The following KCNH8 variants were observed in gnomAD, a reference collection of about 807,000 sequenced individuals.
KCNH8 encodes voltage-gated delayed rectifier potassium channel KCNH8.
A neutral mutation model predicts 103.6 loss-of-function variants in KCNH8; 70 were observed. The ratio of observed to expected loss-of-function variants is 0.68; its 90% CI spans 0.56 to 0.82. The LOEUF (loss-of-function observed/expected upper bound fraction) is 0.82, where lower values mean the gene tolerates loss of function less well. KCNH8 is among the 40% of genes least tolerant of loss of function. The pLI is 0.00. For synonymous variants in KCNH8, 498 were observed against 489.4 expected (o/e 1.02, Z -0.23); for missense variants, 1,217 against 1,329.9 (o/e 0.92, Z 1.32).
intron 3 of KCNH8, among the ~76,000 whole-genome samples, chr3:19,337,873 C>A (rs899449161): frequency 6.6e-6 from 1 of 151,878 alleles, no homozygotes; most frequent in African/African-American, 2.4e-5. Context: ...AGTTTAAAAT[C>A]TTGCTGTTGC....
At chr3:19,530,730 C>T (rs1425614136) in intron 15 of KCNH8, among the ~76,000 whole-genome samples, 3 of 152,140 alleles carry the variant, frequency 2.0e-5, no homozygotes, top group Non-Finnish European at 4.4e-5. Context: ...GTGCTCTTTA[C>T]GTTCTGACTA....
chr3:19,168,424 T>A (rs2063306841), intron 1 of KCNH8, among the ~76,000 whole-genome samples: 1 of 152,336 alleles, frequency 6.6e-6, no homozygotes, highest in South Asian at 2.1e-4. Context: ...CTACTAAACA[T>A]CATTTCCTTG....
chr3:19,444,817 GAT>G (rs1246914509), intron 8 of KCNH8, among the ~76,000 whole-genome samples: 11 of 151,952 alleles, frequency 7.2e-5, no homozygotes, highest in African/African-American at 2.6e-4. Flanking sequence ...TCACCAAAAT[GAT>G]ATGTTTAAAA....
intron 3 of KCNH8, among the ~76,000 whole-genome samples, chr3:19,330,851 C>A (rs2065495627): frequency 6.6e-6 from 1 of 152,130 alleles, no homozygotes; most frequent in South Asian, 2.1e-4. Flanking sequence ...AAAGGATAAT[C>A]ATGTATTGTG....
intron 1 of KCNH8, among the ~76,000 whole-genome samples, chr3:19,193,631 G>A (rs1308939913): frequency 1.3e-5 from 2 of 151,698 alleles, no homozygotes; most frequent in African/African-American, 4.8e-5. Context: ...TAGATATACA[G>A]TATCAATTTA....
intron 1 of KCNH8, among the ~76,000 whole-genome samples, chr3:19,225,494 G>A (rs1273529698): frequency 6.6e-6 from 1 of 152,152 alleles, no homozygotes; most frequent in African/African-American, 2.4e-5. Context: ...TATAGGCCTA[G>A]TTGTCATTGT....
intron 3 of KCNH8, among the ~76,000 whole-genome samples, chr3:19,328,405 G>A (rs982552828): frequency 2.6e-5 from 4 of 151,982 alleles, no homozygotes; most frequent in Admixed American, 2.0e-4. Context: ...TCAGTTTTAT[G>A]CTCCATGATG....
chr3:19,487,695 CTT>C (rs1468200922), intron 11 of KCNH8, among the ~76,000 whole-genome samples: 1 of 152,084 alleles, frequency 6.6e-6, no homozygotes, highest in Non-Finnish European at 1.5e-5. Flanking sequence ...AGTCTCTATT[CTT>C]TTTCCTGGGG....
At chr3:19,284,868 AT>A (rs2064808699) in intron 3 of KCNH8, among the ~76,000 whole-genome samples, 1 of 148,532 alleles carries the variant, frequency 6.7e-6, no homozygotes, top group South Asian at 2.1e-4. Context: ...TGTCCTTTTT[AT>A]AAAAAAAAAA....
chr3:19,264,446 A>G (rs2064479424), intron 2 of KCNH8, among the ~76,000 whole-genome samples: 1 of 152,134 alleles, frequency 6.6e-6, no homozygotes, highest in African/African-American at 2.4e-5. Flanking sequence ...GAATTGCTTA[A>G]TCAATGAGCA....
intron 2 of KCNH8, among the ~76,000 whole-genome samples, chr3:19,277,693 G>A (rs2064694174): frequency 6.6e-6 from 1 of 152,018 alleles, no homozygotes; most frequent in African/African-American, 2.4e-5. Context: ...TGGAGACAAG[G>A]GACATTCCAC....
chr3:19,475,593 G>T (rs752543052), intron 11 of KCNH8, among the ~76,000 whole-genome samples: 2 of 152,100 alleles, frequency 1.3e-5, no homozygotes, highest in Non-Finnish European at 2.9e-5. Context: ...GAAAGCTCAG[G>T]CTCAAAATAT....
chr3:19,394,805 G>T (rs570867366), intron 6 of KCNH8, among the ~76,000 whole-genome samples: 19 of 151,970 alleles, frequency 1.3e-4, no homozygotes, highest in African/African-American at 4.6e-4. Context: ...TGTTTCAGTT[G>T]TGTATCAGAA....
intron 1 of KCNH8, among the ~76,000 whole-genome samples, chr3:19,243,407 G>A (rs79056450): frequency 0.062 from 9,481 of 152,208 alleles, 950 homozygotes; most frequent in African/African-American, 0.21. Context: ...TGGAATAGCT[G>A]TGACCATCAA....
intron 1 of KCNH8, among the ~76,000 whole-genome samples, chr3:19,182,390 G>T (rs1202413684): frequency 3.9e-5 from 6 of 152,132 alleles, no homozygotes; most frequent in Admixed American, 6.5e-5. Flanking sequence ...AATTAGCCAG[G>T]CGTGGTGGCA....
At chr3:19,527,815 A>C (rs2069091596) in intron 15 of KCNH8, among the ~76,000 whole-genome samples, 1 of 152,136 alleles carries the variant, frequency 6.6e-6, no homozygotes, top group Non-Finnish European at 1.5e-5. Flanking sequence ...CCTGCAAAAC[A>C]TCTAATGATT....
At chr3:19,347,582 G>A (rs6551230) in intron 4 of KCNH8, 143 bp from the exon 5 acceptor site, 674,173 of 903,008 alleles carry the variant, frequency 0.75, 254,575 homozygotes, top group East Asian at 0.95. Flanking sequence ...GATGCTTTGC[G>A]TCACCAACTT....
chr3:19,355,407 C>A (rs1487889871), intron 5 of KCNH8, among the ~76,000 whole-genome samples: 1 of 152,168 alleles, frequency 6.6e-6, no homozygotes, highest in East Asian at 1.9e-4. Flanking sequence ...GATTATAAAT[C>A]ATGCTGCTAT....
intron 7 of KCNH8, among the ~76,000 whole-genome samples, chr3:19,424,767 T>TA (rs1265714480): frequency 6.6e-6 from 1 of 151,880 alleles, no homozygotes; most frequent in African/African-American, 2.4e-5. Context: ...AATAATCCTA[T>TA]AAAAAAGTGG....
Sources: gnomAD v4.1 joint callset for allele counts (sites outside exome capture counted in the v4.1 genomes callset) on GRCh38, gnomAD v4.1.1 for gene constraint, MANE v1.5 for transcripts, NCBI Gene and HGNC (gene_info 2026-07-23, HGNC 2026-07-21) for gene names.